TTC12: variants seen among roughly 807,000 people sequenced by gnomAD.
TTC12 encodes the protein tetratricopeptide repeat protein 12.
TTC12 carries 70 observed loss-of-function variants against 90.1 expected under a neutral mutation model. The observed-to-expected ratio is 0.78, with a 90% CI of 0.64 to 0.95. The LOEUF (loss-of-function observed/expected upper bound fraction) is 0.95, where lower values mean the gene tolerates loss of function less well. Among genes scored for constraint, TTC12 ranks in the 40% least tolerant of loss-of-function variants. The pLI is 0.00. For missense variants in TTC12, 819 were observed against 846.1 expected, an observed-to-expected ratio of 0.97 and a Z score of 0.40; for synonymous variants, 296 against 311.5, an observed-to-expected ratio of 0.95 and a Z score of 0.53.
chr11:113,358,827 C>G (rs1949762686), intron 16 of TTC12, among the ~76,000 whole-genome samples: 1 of 152,134 alleles, frequency 6.6e-6, no homozygotes, highest in South Asian at 2.1e-4. Context: ...TGCTCTTTGC[C>G]AGTTCAACTC....
intron 16 of TTC12, among the ~76,000 whole-genome samples, chr11:113,354,563 C>A (rs1464908405): frequency 6.6e-6 from 1 of 152,120 alleles, no homozygotes; most frequent in Non-Finnish European, 1.5e-5. Context: ...GTGCTTCCAG[C>A]TTTTGCCCAT....
intron 2 of TTC12, among the ~76,000 whole-genome samples, chr11:113,320,879 T>C (rs946521220): frequency 1.3e-5 from 2 of 152,162 alleles, no homozygotes; most frequent in African/African-American, 4.8e-5. Flanking sequence ...AGAACTCCCC[T>C]GTTTCACAAT....
At chr11:113,351,975 C>A (rs1021075180) in intron 15 of TTC12, 95 bp from the exon 16 acceptor site, 5 of 1,429,152 alleles carry the variant, frequency 3.5e-6, no homozygotes, top group South Asian at 2.8e-5. Flanking sequence ...CTGGTTGGTT[C>A]GTGGGCCTTT....
downstream of TTC12, among the ~76,000 whole-genome samples, chr11:113,366,725 T>C (rs1172914685): frequency 2.6e-5 from 4 of 152,210 alleles, no homozygotes; most frequent in African/African-American, 4.8e-5. Context: ...TTTCCAGCTG[T>C]GGAGTGCTGA....
At chr11:113,355,973 T>C (rs1212680858) in intron 16 of TTC12, among the ~76,000 whole-genome samples, 3 of 152,230 alleles carry the variant, frequency 2.0e-5, no homozygotes, top group African/African-American at 7.2e-5. Flanking sequence ...GATCCAGTGC[T>C]AAGTTCAGGT....
downstream of TTC12, chr11:113,366,469 G>T (rs7932684): frequency 7.4e-3 from 8,947 of 1,211,338 alleles, 493 homozygotes; most frequent in African/African-American, 0.12. Context: ...TAGGCTGGCT[G>T]CTGTGGTGGG....
At chr11:113,349,340 A>G (rs1949140775) in intron 13 of TTC12, among the ~76,000 whole-genome samples, 1 of 152,224 alleles carries the variant, frequency 6.6e-6, no homozygotes, top group Non-Finnish European at 1.5e-5. Context: ...TACTGAGCAC[A>G]GTATACTTAG....
downstream of TTC12, chr11:113,368,743 A>G (rs776812544): frequency 3.8e-6 from 2 of 532,710 alleles, no homozygotes; most frequent in Non-Finnish European, 6.7e-6. Context: ...TTTTTTAAGG[A>G]TAGGTTCAAA....
At chr11:113,326,985 T>C (rs939023433) in intron 6 of TTC12, among the ~76,000 whole-genome samples, 8 of 152,358 alleles carry the variant, frequency 5.3e-5, no homozygotes, top group Middle Eastern at 3.4e-3. Flanking sequence ...AGAATAATTA[T>C]AGTTCCTTCT....
chr11:113,321,292 G>T (rs181634289), intron 2 of TTC12, among the ~76,000 whole-genome samples: 128 of 152,286 alleles, frequency 8.4e-4, no homozygotes, highest in African/African-American at 2.9e-3. Context: ...GTACTCTTTT[G>T]TAGGAGTAAA....
intron 10 of TTC12, 167 bp downstream of exon 10, chr11:113,339,641 C>A (rs1948575152): frequency 2.3e-5 from 14 of 600,016 alleles, no homozygotes; most frequent in Non-Finnish European, 3.7e-5. Flanking sequence ...TGTCCTCCGA[C>A]TTCTGCTCCA....
At chr11:113,331,709 G>A (rs144544438) in intron 7 of TTC12, among the ~76,000 whole-genome samples, 169 of 152,314 alleles carry the variant, frequency 1.1e-3, no homozygotes, top group African/African-American at 3.9e-3. Flanking sequence ...AGGATAACAG[G>A]CTGGCCTGTT....
chr11:113,349,962 C>A (rs1949174355), intron 13 of TTC12, 111 bp from the exon 14 acceptor site: 1 of 850,800 alleles, frequency 1.2e-6, no homozygotes, highest in Non-Finnish European at 2.0e-6. Context: ...ACCCTTTCTG[C>A]TTATTTCACC....
Position 113,323,194 on chromosome 11 carries a change from GA to G in TTC12, c.59-93del, listed in dbSNP as rs1555139275. 6 of 924,626 alleles carry G rather than the reference GA, an allele frequency of 6.5e-6. No individual in the cohort carries two copies. The African/African-American group carries it at 1.1e-4, about 16-fold the overall frequency. 57.3% of individuals were successfully genotyped at this position (924,626 alleles called of 1,614,324 possible). On this transcript the variant is annotated intron_variant, in intron 2 of 21. Transcript: ENST00000529221. ...TCTATTGCTCTATTTTTTTCTTTAAGATCTTTCCCATGCATTTTATGCACCA... is the reference window on the plus strand; with the variant it reads ...TCTATTGCTCTATTTTTTTCTTTAAGTCTTTCCCATGCATTTTATGCACCA...
intron 17 of TTC12, 110 bp downstream of exon 17, chr11:113,359,571 A>G (rs1420143091): frequency 5.2e-6 from 4 of 764,210 alleles, no homozygotes; most frequent in Non-Finnish European, 9.0e-6. Flanking sequence ...ACACTCACAC[A>G]CTGGCCGTGG....
At chr11:113,328,096 T>C (rs960592119) in intron 6 of TTC12, among the ~76,000 whole-genome samples, 11 of 152,224 alleles carry the variant, frequency 7.2e-5, no homozygotes, top group African/African-American at 2.7e-4. Flanking sequence ...TGGTACAGTT[T>C]TGATCATGGA....
intron 18 of TTC12, among the ~76,000 whole-genome samples, chr11:113,361,290 T>TG (rs1262833537): frequency 3.9e-5 from 6 of 152,054 alleles, no homozygotes; most frequent in African/African-American, 7.2e-5. Context: ...TTAAAGCCAT[T>TG]GGGGGGGAAC....
intron 13 of TTC12, among the ~76,000 whole-genome samples, chr11:113,346,752 A>AG: frequency 7.5e-6 from 1 of 133,182 alleles, no homozygotes; most frequent in Non-Finnish European, 1.6e-5. Context: ...TCTGCTACAG[A>AG]AAAAAAAAAA....
At chr11:113,333,228 T>G (rs1354463770) in intron 7 of TTC12, among the ~76,000 whole-genome samples, 1 of 152,050 alleles carries the variant, frequency 6.6e-6, no homozygotes, top group Non-Finnish European at 1.5e-5. Context: ...CTCTCCACCC[T>G]GCACCTGCCC....
Sources: allele counts gnomAD v4.1 joint callset (sites outside exome capture counted in the v4.1 genomes callset), GRCh38; gene constraint gnomAD v4.1.1; transcripts MANE v1.5; gene names NCBI Gene and HGNC (gene_info 2026-07-23, HGNC 2026-07-21).